TLL1: variants seen among roughly 807,000 people sequenced by gnomAD.
TLL1 encodes the protein tolloid-like protein 1.
Under a neutral mutation model 128.2 loss-of-function variants are expected in TLL1, and 49 were observed. The ratio of observed to expected loss-of-function variants is 0.38; its 90% CI spans 0.30 to 0.48. The LOEUF is 0.48. TLL1 is among the 20% of genes least tolerant of loss of function. The pLI is 0.96. For missense variants in TLL1, 1,123 were observed against 1,242.0 expected, an observed-to-expected ratio of 0.90 and a Z score of 1.44; for synonymous variants, 454 against 418.8, an observed-to-expected ratio of 1.08 and a Z score of -1.03.
At chr4:166,036,789 C>CTGTGTGTGTGTGTGTG (rs3047083) in intron 9 of TLL1, among the ~76,000 whole-genome samples, 9 of 145,224 alleles carry the variant, frequency 6.2e-5, no homozygotes, top group African/African-American at 1.8e-4. Context: ...CCCTATCCAA[C>CTGTGTGTGTGTGTGTG]TGTGTGTGTG....
intron 1 of TLL1, among the ~76,000 whole-genome samples, chr4:165,984,234 A>G (rs1736294686): frequency 6.6e-6 from 1 of 151,862 alleles, no homozygotes; most frequent in Non-Finnish European, 1.5e-5. Flanking sequence ...CTATTGTATC[A>G]AGAGCTTTTA....
Position 165,876,505 on chromosome 4 carries a change from G to A in TLL1, c.169+2432G>A, listed in dbSNP as rs553758195. On this transcript the variant is annotated intron_variant, in intron 1 of 20. Transcript: ENST00000061240. ...CCATGAAATAAAAGGCCCTTTCTGA[G>A]CTCCTCTAATAGGGTCTTCATATTC... Among the ~76,000 whole-genome samples, 64 of 152,302 alleles carry A rather than the reference G, an allele frequency of 4.2e-4. 2 individuals carry two copies. The highest frequency in any genetic ancestry group is 1.5e-3 in the African/African-American group (64 of 41,576).
intron 7 of TLL1, among the ~76,000 whole-genome samples, chr4:166,011,584 G>A (rs1160496358): frequency 2.6e-5 from 4 of 151,402 alleles, no homozygotes; most frequent in African/African-American, 9.7e-5. Context: ...CAAACAGTGA[G>A]AATTTTACTT....
chr4:165,948,156 G>A (rs762121272), intron 1 of TLL1, among the ~76,000 whole-genome samples: 9 of 152,066 alleles, frequency 5.9e-5, no homozygotes, highest in Middle Eastern at 3.2e-3. Context: ...CTTTGTACCC[G>A]TCAGCTTGTT....
chr4:165,952,011 G>A (rs1277192646), intron 1 of TLL1, among the ~76,000 whole-genome samples: 1 of 152,016 alleles, frequency 6.6e-6, no homozygotes, highest in Non-Finnish European at 1.5e-5. Context: ...CTGAAAAACT[G>A]CTCTGTTATG....
intron 7 of TLL1, among the ~76,000 whole-genome samples, chr4:166,012,854 C>T (rs1015472335): frequency 6.6e-6 from 1 of 151,660 alleles, no homozygotes; most frequent in East Asian, 1.9e-4. Flanking sequence ...GTTCCAGTCT[C>T]CCTATTTGAG....
At chr4:165,989,905 T>G (rs1285892024) in intron 2 of TLL1, among the ~76,000 whole-genome samples, 1 of 151,912 alleles carries the variant, frequency 6.6e-6, no homozygotes, top group African/African-American at 2.4e-5. Flanking sequence ...AAGCTTGATT[T>G]TGTCCTCTTG....
intron 9 of TLL1, among the ~76,000 whole-genome samples, chr4:166,027,799 A>G (rs749585993): frequency 7.2e-5 from 11 of 152,168 alleles, no homozygotes; most frequent in Non-Finnish European, 1.2e-4. Context: ...AAATTGTTTC[A>G]TAACAGCAAG....
Position 166,101,226 on chromosome 4 carries a change from T to G in TLL1, c.*350T>G. The G allele has an allele frequency of 3.4e-6, 1 of 294,852 alleles. No individual in the cohort carries two copies. Among genetic ancestry groups the G allele is most frequent in the Admixed American group, 5.0e-5 (1 of 20,032 alleles). 18.3% of individuals were successfully genotyped at this position (294,852 alleles called of 1,614,324 possible). A position where few individuals can be genotyped will look rare whatever the true frequency, so the allele number is the denominator to read the frequency against. The stretch of plus-strand genomic sequence containing the variant: ...ACCCTGCAGTGTTCTTTTTGACAAT[T>G]TGTCAAGATTTAGGGACATAAAATG... On this transcript the variant is annotated 3_prime_UTR_variant, in exon 21 of 21. Transcript: ENST00000061240.
At chr4:165,930,504 CAG>C (rs542616533) in intron 1 of TLL1, among the ~76,000 whole-genome samples, 23 of 152,174 alleles carry the variant, frequency 1.5e-4, no homozygotes, top group African/African-American at 4.6e-4. Context: ...TACTGAAACA[CAG>C]TAAAATTTAC....
intron 9 of TLL1, among the ~76,000 whole-genome samples, chr4:166,038,002 C>A (rs969738582): frequency 2.0e-5 from 3 of 151,986 alleles, no homozygotes; most frequent in Admixed American, 6.6e-5. Context: ...ATATGAGATG[C>A]CCTGAGAAAT....
chr4:166,036,275 T>A (rs779510258), intron 9 of TLL1, among the ~76,000 whole-genome samples: 1 of 152,156 alleles, frequency 6.6e-6, no homozygotes, highest in Non-Finnish European at 1.5e-5. Flanking sequence ...AAACAGTCTT[T>A]AATAAGCACA....
At chr4:165,876,883 C>T (rs930552239) in intron 1 of TLL1, among the ~76,000 whole-genome samples, 3 of 152,232 alleles carry the variant, frequency 2.0e-5, no homozygotes, top group South Asian at 2.1e-4. Flanking sequence ...ATAGGTGAAG[C>T]GAAGATCATA....
chr4:166,098,884 T>A, intron 19 of TLL1, among the ~76,000 whole-genome samples: 1 of 152,266 alleles, frequency 6.6e-6, no homozygotes, highest in African/African-American at 2.4e-5. Flanking sequence ...GAGACAGTAT[T>A]AGGTAGAACA....
Position 166,042,523 on chromosome 4 carries a change from G to T in TLL1, c.1378+380G>T, listed in dbSNP as rs930725981. ...GAAATACTTTTTATTAGAGGAAATT[G>T]CACAGAAAGTAATTGTGCCGATTTC... On this transcript the variant is annotated intron_variant, in intron 11 of 20. Transcript: ENST00000061240. 5.9e-4 allele frequency among the ~76,000 whole-genome samples: 90 copies of T among 152,262 alleles called. 2 individuals are homozygous for T. The highest frequency in any genetic ancestry group is 1.8e-3 in the Admixed American group (28 of 15,296).
At chr4:166,090,717 G>T (rs949435375) in intron 18 of TLL1, among the ~76,000 whole-genome samples, 1 of 151,928 alleles carries the variant, frequency 6.6e-6, no homozygotes, top group Non-Finnish European at 1.5e-5. Context: ...TAGTTTAAGT[G>T]CCTAAGGGTA....
At chr4:165,947,570 G>A (rs536628956) in intron 1 of TLL1, among the ~76,000 whole-genome samples, 6 of 152,194 alleles carry the variant, frequency 3.9e-5, no homozygotes, top group Non-Finnish European at 5.9e-5. Context: ...AGCAAAGAAT[G>A]CACTGGAGAA....
At chr4:165,996,269 C>T (rs919864369) in intron 5 of TLL1, among the ~76,000 whole-genome samples, 3 of 152,066 alleles carry the variant, frequency 2.0e-5, no homozygotes, top group Non-Finnish European at 4.4e-5. Flanking sequence ...GATACCCAGC[C>T]CACTACTTTA....
intron 1 of TLL1, among the ~76,000 whole-genome samples, chr4:165,882,672 G>A (rs1731012508): frequency 6.6e-6 from 1 of 152,050 alleles, no homozygotes; most frequent in South Asian, 2.1e-4. Context: ...AGGCTGGAGT[G>A]CAGTGGTGTG....
Sources: gnomAD v4.1 joint callset for allele counts (sites outside exome capture counted in the v4.1 genomes callset) on GRCh38, gnomAD v4.1.1 for gene constraint, MANE v1.5 for transcripts, NCBI Gene and HGNC (gene_info 2026-07-23, HGNC 2026-07-21) for gene names.